YTHDF3: variants seen among roughly 807,000 people sequenced by gnomAD.
YTHDF3 encodes YTH domain-containing family protein 3.
In YTHDF3, 9 loss-of-function variants were observed where a neutral mutation model predicts 52.5. The observed-to-expected ratio is 0.17, with a 90% CI of 0.10 to 0.30. The LOEUF (loss-of-function observed/expected upper bound fraction) is 0.30. Among genes scored for constraint, YTHDF3 ranks in the 10% least tolerant of loss-of-function variants. YTHDF3 has a pLI of 1.00. For missense variants in YTHDF3, 534 were observed against 715.0 expected (o/e 0.75, Z 2.89); for synonymous variants, 274 against 243.3 (o/e 1.13, Z -1.18).
intron 1 of YTHDF3, chr8:63,169,153 C>A: frequency 7.1e-7 from 1 of 1,418,440 alleles, no homozygotes; most frequent in Non-Finnish European, 9.3e-7. Context: ...ATCCTGAGGG[C>A]GGCAGACATG....
rs1458918291 is a variant in YTHDF3, at chr8:63,212,155, T to C, written c.*2449T>C. On this transcript the variant is annotated 3_prime_UTR_variant, in exon 5 of 5. Coordinates refer to ENST00000539294, the MANE Select transcript of YTHDF3 (RefSeq NM_152758.6). ...ATTTCTTGCTTAATGTTTTTCCAAG[T>C]TCTGGCTTGAATATTTCTTATTAAA... 1 of 152,602 alleles carries C rather than the reference T, an allele frequency of 6.6e-6. No individual in the cohort carries two copies. The highest frequency in any genetic ancestry group is 1.5e-5 in the Non-Finnish European group (1 of 68,014). The allele number at this position is 152,602 out of a possible 1,614,324, so 9.5% of individuals were successfully genotyped here.
At chr8:63,182,768 G>A (rs1403006500) in intron 3 of YTHDF3, among the ~76,000 whole-genome samples, 2 of 152,000 alleles carry the variant, frequency 1.3e-5, no homozygotes, top group Admixed American at 1.3e-4. Flanking sequence ...CTCCATGTGG[G>A]ATTTATCTAC....
intron 2 of YTHDF3, 144 bp downstream of exon 2, chr8:63,169,555 C>A: frequency 1.1e-6 from 1 of 886,506 alleles, no homozygotes; most frequent in Non-Finnish European, 1.7e-6. Flanking sequence ...CTAAGGTAGC[C>A]AAGTTCTATC....
intron 3 of YTHDF3, 143 bp downstream of exon 3, chr8:63,175,559 A>G: frequency 1.6e-6 from 1 of 620,038 alleles, no homozygotes; most frequent in East Asian, 2.9e-5. Flanking sequence ...AGTAGTGAGT[A>G]GCAGTTGCAG....
chr8:63,175,049 G>C (rs1345889569), intron 2 of YTHDF3, among the ~76,000 whole-genome samples: 1 of 152,126 alleles, frequency 6.6e-6, no homozygotes, highest in East Asian at 1.9e-4. Flanking sequence ...ACTCACTACA[G>C]TGTTGAGATT....
intron 1 of YTHDF3, 145 bp downstream of exon 1, chr8:63,169,046 G>C (rs1238500202): frequency 2.7e-5 from 39 of 1,428,874 alleles, no homozygotes; most frequent in Non-Finnish European, 2.7e-5. Flanking sequence ...TAGCTACCCG[G>C]GCCGGGGCGT....
In YTHDF3 at chr8:63,187,822, A is replaced by G. The variant is rs898390940; in HGVS notation, c.1734+77A>G. The G allele has an allele frequency of 2.1e-6, 3 of 1,450,598 alleles. No homozygotes were observed. In the African/African-American group the frequency reaches 4.3e-5, roughly 21 times the overall value. 89.9% of individuals were successfully genotyped at this position (1,450,598 alleles called of 1,614,324 possible). A position where few individuals can be genotyped will look rare whatever the true frequency, so the allele number is the denominator to read the frequency against. On this transcript the variant is annotated intron_variant, in intron 4 of 4. Transcript: ENST00000539294. ...CATGGATGGGTATATTCTGAGTTTA[A>G]GAACTTTCTGTGAAGGAAACCAACT...
chr8:63,170,295 A>G (rs1011414716), intron 2 of YTHDF3, among the ~76,000 whole-genome samples: 6 of 152,178 alleles, frequency 3.9e-5, no homozygotes, highest in Admixed American at 1.3e-4. Context: ...TAAGATCTAT[A>G]ATAGCCTTTT....
At chr8:63,175,593 C>A in intron 3 of YTHDF3, 177 bp downstream of exon 3, 1 of 504,940 alleles carries the variant, frequency 2.0e-6, no homozygotes, top group Non-Finnish European at 3.6e-6. Context: ...GAGAGTTCTT[C>A]TTCAGAAAGT....
chr8:63,196,838 C>G (rs1244626890), intron 4 of YTHDF3, among the ~76,000 whole-genome samples: 1 of 152,054 alleles, frequency 6.6e-6, no homozygotes, highest in Non-Finnish European at 1.5e-5. Flanking sequence ...AGCTTAGCCA[C>G]GTACTGTTCA....
At chr8:63,183,605 A>G (rs1029177095) in intron 3 of YTHDF3, among the ~76,000 whole-genome samples, 1 of 152,202 alleles carries the variant, frequency 6.6e-6, no homozygotes, top group Non-Finnish European at 1.5e-5. Flanking sequence ...TTGCAGTTGT[A>G]AAAATGCTGT....
At chr8:63,191,524 T>C (rs1278942931) in intron 4 of YTHDF3, among the ~76,000 whole-genome samples, 1 of 152,208 alleles carries the variant, frequency 6.6e-6, no homozygotes, top group Non-Finnish European at 1.5e-5. Context: ...TTGATTTTAT[T>C]GAGCACAAAA....
In YTHDF3 at chr8:63,170,666, A is replaced by G. The variant is rs577419106; in HGVS notation, c.49+1255A>G. 3.3e-5 allele frequency among the ~76,000 whole-genome samples: 5 copies of G among 152,226 alleles called. No homozygotes were observed. In the South Asian group the frequency reaches 1.0e-3, roughly 32 times the overall value. On this transcript the variant is annotated intron_variant, in intron 2 of 4. Transcript: ENST00000539294. The stretch of plus-strand genomic sequence containing the variant: ...CATTAATTTCTTCTTTTGCTAGTCT[A>G]CCCATTAGGAACTATGTAGACTTGG...
chr8:63,185,652 A>G (rs948459868), intron 3 of YTHDF3, among the ~76,000 whole-genome samples: 2 of 152,240 alleles, frequency 1.3e-5, no homozygotes, highest in African/African-American at 4.8e-5. Flanking sequence ...TGAAAGTACA[A>G]AATCTAATGG....
intron 2 of YTHDF3, among the ~76,000 whole-genome samples, chr8:63,173,954 CACAGTA>C (rs1391609509): frequency 2.0e-5 from 3 of 152,122 alleles, no homozygotes; most frequent in Admixed American, 6.5e-5. Context: ...GAATGCTTTA[CACAGTA>C]ACATCATATC....
chr8:63,210,019 A>G lies in YTHDF3; in HGVS notation c.*313A>G, dbSNP rs960137323. The G allele has an allele frequency of 3.9e-6, 1 of 256,932 alleles. No individual in the cohort carries two copies. Among genetic ancestry groups the G allele is most frequent in the African/African-American group, 2.2e-5 (1 of 45,074 alleles). The allele number at this position is 256,932 out of a possible 1,614,324, so 15.9% of individuals were successfully genotyped here. ...GACTGAATGAATGCAAGGATTCATT[A>G]ACTCTTTGAATTTGTTAAATACTAA... On this transcript the variant is annotated 3_prime_UTR_variant, in exon 5 of 5. Coordinates refer to ENST00000539294, the MANE Select transcript of YTHDF3 (RefSeq NM_152758.6).
chr8:63,180,332 C>A (rs1348192867), intron 3 of YTHDF3, among the ~76,000 whole-genome samples: 1 of 150,068 alleles, frequency 6.7e-6, no homozygotes, highest in African/African-American at 2.5e-5. Flanking sequence ...ACATCTCAGA[C>A]GATGGGCGGC....
At chr8:63,185,846 T>C (rs1808462208) in intron 3 of YTHDF3, among the ~76,000 whole-genome samples, 1 of 152,222 alleles carries the variant, frequency 6.6e-6, no homozygotes, top group African/African-American at 2.4e-5. Context: ...AATTATGATA[T>C]TTTTAAATTG....
intron 4 of YTHDF3, among the ~76,000 whole-genome samples, chr8:63,207,464 G>A (rs1175887453): frequency 1.3e-5 from 2 of 151,766 alleles, no homozygotes; most frequent in Non-Finnish European, 2.9e-5. Context: ...CTCTTATTTT[G>A]TGCTTTCTAA....
Sources: allele counts gnomAD v4.1 joint callset (sites outside exome capture counted in the v4.1 genomes callset), GRCh38; gene constraint gnomAD v4.1.1; transcripts MANE v1.5; gene names NCBI Gene and HGNC (gene_info 2026-07-23, HGNC 2026-07-21).